Variants in CHL1 observed in about 807,000 individuals in gnomAD.
The protein encoded by CHL1 is cell adhesion molecule L1 like, also known as neural cell adhesion molecule L1-like protein.
CHL1 carries 96 observed loss-of-function variants against 141.9 expected under a neutral mutation model. That is an observed-to-expected ratio of 0.68 (90% CI 0.57 to 0.80). The LOEUF is 0.80. Among genes scored for constraint, CHL1 ranks in the 30% least tolerant of loss-of-function variants. CHL1 has a pLI of 0.00. For synonymous variants in CHL1, 613 were observed against 502.2 expected, an observed-to-expected ratio of 1.22 and a Z score of -2.95; for missense variants, 1,820 against 1,457.2, an observed-to-expected ratio of 1.25 and a Z score of -4.05.
chr3:325,553 T>C (rs1013271512), intron 3 of CHL1, among the ~76,000 whole-genome samples: 1 of 152,228 alleles, frequency 6.6e-6, no homozygotes, highest in South Asian at 2.1e-4. Context: ...ACATTAATTA[T>C]AATGTGTTTA....
Position 360,417 on chromosome 3 carries a change from T to A in CHL1, c.1299T>A (p.Asp433Glu), listed in dbSNP as rs778577636. The change falls in exon 12 of 28, where the codon GAT becomes GAA. Residue 433 changes from aspartate (D) to glutamate (E), a missense_variant. Transcript: ENST00000256509. Reference sequence around the variant, plus strand: ...CTATCCTTGCCAATGCCAATATTGATGTTGTGGGTGAGTGTGCCTGGGAGC... The same window carrying A: ...CTATCCTTGCCAATGCCAATATTGAAGTTGTGGGTGAGTGTGCCTGGGAGC... ...HGTILANANI[D>E]VVDVRPLIQT... 1.2e-6 allele frequency: 2 copies of A among 1,613,424 alleles called. No individual in the cohort carries two copies. The highest frequency in any genetic ancestry group is 1.1e-5 in the South Asian group (1 of 90,916).
chr3:397,893 G>A (rs1307118311), intron 24 of CHL1, among the ~76,000 whole-genome samples: 2 of 152,044 alleles, frequency 1.3e-5, no homozygotes, highest in Non-Finnish European at 2.9e-5. Context: ...GCCATATTCA[G>A]TTTCGCATTA....
At chr3:312,652 G>A (rs1425416020) in intron 2 of CHL1, among the ~76,000 whole-genome samples, 1 of 152,130 alleles carries the variant, frequency 6.6e-6, no homozygotes, top group African/African-American at 2.4e-5. Flanking sequence ...ACATAAAAAG[G>A]AGTTTCATAA....
At chr3:238,231 G>T (rs1258739988) in intron 1 of CHL1, among the ~76,000 whole-genome samples, 1 of 152,062 alleles carries the variant, frequency 6.6e-6, no homozygotes, top group African/African-American at 2.4e-5. Context: ...ATCAAGAACT[G>T]ATTCCTTTCG....
chr3:318,849 T>C (rs1700332349), intron 2 of CHL1, among the ~76,000 whole-genome samples: 1 of 151,526 alleles, frequency 6.6e-6, no homozygotes, highest in African/African-American at 2.4e-5. Context: ...ATGACTCAAA[T>C]GGGAATAGAT....
chr3:279,531 A>G (rs1696449242), intron 2 of CHL1, among the ~76,000 whole-genome samples: 2 of 151,434 alleles, frequency 1.3e-5, no homozygotes, highest in South Asian at 4.1e-4. Context: ...TTCTTCCACA[A>G]TCTGGACTGG....
chr3:314,288 C>A (rs76310080), intron 2 of CHL1, among the ~76,000 whole-genome samples: 3 of 134,916 alleles, frequency 2.2e-5, no homozygotes, highest in East Asian at 4.5e-4. Flanking sequence ...TAACCTCCCC[C>A]CAATCTTGCA....
chr3:273,124 T>A (rs1695785894), intron 2 of CHL1, among the ~76,000 whole-genome samples: 1 of 152,132 alleles, frequency 6.6e-6, no homozygotes, highest in South Asian at 2.1e-4. Context: ...CCTAGGAAAG[T>A]GGGAGCTTGG....
intron 27 of CHL1, among the ~76,000 whole-genome samples, chr3:401,986 A>T (rs1013773905): frequency 1.3e-5 from 2 of 152,200 alleles, no homozygotes; most frequent in Non-Finnish European, 2.9e-5. Context: ...TAGCTAAAAC[A>T]TCTATAGCAT....
intron 2 of CHL1, among the ~76,000 whole-genome samples, chr3:258,922 G>A (rs1222943991): frequency 4.2e-5 from 6 of 143,532 alleles, no homozygotes; most frequent in East Asian, 2.0e-4. Flanking sequence ...TATTTTAAAC[G>A]TATGGCAACA....
intron 2 of CHL1, among the ~76,000 whole-genome samples, chr3:290,857 AC>A (rs775898002): frequency 2.0e-5 from 3 of 150,616 alleles, no homozygotes; most frequent in Non-Finnish European, 4.4e-5. Flanking sequence ...AATTGCTTGA[AC>A]CCGGGAGACA....
chr3:203,380 G>A (rs978350587), intron 1 of CHL1, among the ~76,000 whole-genome samples: 1 of 152,264 alleles, frequency 6.6e-6, no homozygotes, highest in African/African-American at 2.4e-5. Context: ...GTGGCAGAAT[G>A]CCACAGGTTA....
chr3:357,117 G>A (rs1056497977), intron 11 of CHL1, among the ~76,000 whole-genome samples: 10 of 152,120 alleles, frequency 6.6e-5, no homozygotes, highest in African/African-American at 2.2e-4. Context: ...AAACTTATGC[G>A]AGACCACACA....
chr3:326,322 T>C (rs1330944461), intron 4 of CHL1, among the ~76,000 whole-genome samples: 4 of 152,036 alleles, frequency 2.6e-5, no homozygotes, highest in East Asian at 1.9e-4. Context: ...ACAGCAGAAA[T>C]ACTCCACAAT....
chr3:297,298 C>G (rs866535888), intron 2 of CHL1, among the ~76,000 whole-genome samples: 9 of 151,998 alleles, frequency 5.9e-5, no homozygotes, highest in African/African-American at 1.9e-4. Flanking sequence ...CATAGAGGGA[C>G]ACAGATGCAA....
intron 2 of CHL1, among the ~76,000 whole-genome samples, chr3:281,706 C>A (rs949919507): frequency 6.6e-6 from 1 of 151,954 alleles, no homozygotes; most frequent in African/African-American, 2.4e-5. Flanking sequence ...ATTACAGGCA[C>A]ATGCCACCAT....
At chr3:388,066 A>G (rs1707902001) in intron 19 of CHL1, among the ~76,000 whole-genome samples, 1 of 152,380 alleles carries the variant, frequency 6.6e-6, no homozygotes, top group South Asian at 2.1e-4. Flanking sequence ...TACTGTTTAT[A>G]TAAGTGAACC....
chr3:293,578 A>T (rs577061435), intron 2 of CHL1, among the ~76,000 whole-genome samples: 31 of 152,286 alleles, frequency 2.0e-4, no homozygotes, highest in African/African-American at 6.5e-4. Flanking sequence ...TATAAAATAA[A>T]CAAAAAGAAT....
At chr3:322,657 T>TATATAAAATTATATATATATATATAAA (rs1700681882) in intron 3 of CHL1, among the ~76,000 whole-genome samples, 1 of 140,756 alleles carries the variant, frequency 7.1e-6, no homozygotes, top group African/African-American at 2.7e-5. Flanking sequence ...TATATATATA[T>TATATAAAATTATATATATATATATAAA]ATATATATAT....
Sources: allele counts gnomAD v4.1 joint callset (sites outside exome capture counted in the v4.1 genomes callset), GRCh38; gene constraint gnomAD v4.1.1; transcripts MANE v1.5; gene names NCBI Gene and HGNC (gene_info 2026-07-23, HGNC 2026-07-21).